Variants in FAM227B observed in about 807,000 individuals in gnomAD.
The protein encoded by FAM227B is protein FAM227B.
FAM227B carries 88 observed loss-of-function variants against 73.8 expected under a neutral mutation model. The observed-to-expected ratio is 1.19, with a 90% confidence interval of 1.00 to 1.42. The LOEUF (loss-of-function observed/expected upper bound fraction) is 1.42. FAM227B is among the 40% of genes most tolerant of loss of function. The probability of loss-of-function intolerance (pLI) is 0.00; values close to 1 mark genes in which losing one functional copy is unlikely to be tolerated. For missense variants in FAM227B, 632 were observed against 590.9 expected (o/e 1.07, Z -0.72); for synonymous variants, 210 against 190.5 (o/e 1.10, Z -0.84).
At chr15:49,435,059 G>A (rs757550256) in intron 11 of FAM227B, among the ~76,000 whole-genome samples, 7 of 151,246 alleles carry the variant, frequency 4.6e-5, no homozygotes, top group African/African-American at 1.2e-4. Context: ...TGTTCATTTC[G>A]AACACATACA....
chr15:49,489,862 A>T (rs1226733849), intron 11 of FAM227B, among the ~76,000 whole-genome samples: 81 of 6,386 alleles, frequency 0.013, 4 homozygotes, highest in African/African-American at 0.03. Flanking sequence ...TATATATTTT[A>T]TATATATATA....
chr15:49,588,546 ACTATATATAT>A (rs1248729011), intron 4 of FAM227B, among the ~76,000 whole-genome samples: 3 of 41,482 alleles, frequency 7.2e-5, no homozygotes, highest in African/African-American at 1.8e-4. Flanking sequence ...CATATTGAGG[ACTATATATAT>A]ATATATATAT....
chr15:49,583,904 T>TAACTG (rs1417790878), intron 5 of FAM227B, among the ~76,000 whole-genome samples: 1 of 152,128 alleles, frequency 6.6e-6, no homozygotes, highest in Non-Finnish European at 1.5e-5. Context: ...CACGACCAGA[T>TAACTG]AAATTCACAA....
At chr15:49,380,829 T>C (rs1378056281) in intron 11 of FAM227B, among the ~76,000 whole-genome samples, 1 of 152,122 alleles carries the variant, frequency 6.6e-6, no homozygotes, top group Non-Finnish European at 1.5e-5. Flanking sequence ...CTGTGGTCAA[T>C]GAAATGTCGG....
intron 11 of FAM227B, chr15:49,486,534 G>T (rs2056415115): frequency 6.6e-6 from 1 of 151,894 alleles, no homozygotes; most frequent in Non-Finnish European, 1.5e-5. Context: ...ATAGACAAAA[G>T]AAAATACACA....
intron 9 of FAM227B, among the ~76,000 whole-genome samples, chr15:49,548,529 C>G (rs2072299745): frequency 6.6e-6 from 1 of 152,112 alleles, no homozygotes; most frequent in African/African-American, 2.4e-5. Flanking sequence ...CCAAATAATA[C>G]TGCCTTGTAG....
At chr15:49,522,544 T>TA (rs1387661190) in intron 10 of FAM227B, among the ~76,000 whole-genome samples, 2 of 151,930 alleles carry the variant, frequency 1.3e-5, no homozygotes, top group African/African-American at 2.4e-5. Context: ...ACAACACAGA[T>TA]AAAAAATTCA....
intron 11 of FAM227B, among the ~76,000 whole-genome samples, chr15:49,407,112 G>A (rs970883793): frequency 6.6e-6 from 1 of 152,144 alleles, no homozygotes; most frequent in East Asian, 1.9e-4. Context: ...AAGCCTAGGA[G>A]GATGGCTGTC....
At chr15:49,495,342 T>C (rs1226044241) in intron 11 of FAM227B, among the ~76,000 whole-genome samples, 1 of 152,202 alleles carries the variant, frequency 6.6e-6, no homozygotes. Context: ...ATCTAACTCA[T>C]AATAATCTGA....
Position 49,504,024 on chromosome 15 carries a change from G to A in FAM227B, c.1012+4187C>T, listed in dbSNP as rs1057406781. 2.0e-3 allele frequency among the ~76,000 whole-genome samples: 300 copies of A among 151,976 alleles called. 1 individual carries two copies. Among genetic ancestry groups the A allele is most frequent in the African/African-American group, 6.9e-3 (286 of 41,416 alleles). ...CACAATAGCAAAGACTTGGAGCCAA[G>A]CCAAATGTCCAACAATGATAGACTG... On this transcript the variant is annotated intron_variant, in intron 11 of 15. Coordinates refer to ENST00000299338, the MANE Select transcript of FAM227B (RefSeq NM_152647.3).
intron 2 of FAM227B, 40 bp from the exon 3 acceptor site, chr15:49,611,308 C>A: frequency 9.5e-7 from 1 of 1,052,922 alleles, no homozygotes. Context: ...GGCATAAACT[C>A]ACTAGACTGT....
intron 11 of FAM227B, among the ~76,000 whole-genome samples, chr15:49,417,731 T>C (rs879237039): frequency 2.6e-5 from 4 of 152,180 alleles, no homozygotes; most frequent in Admixed American, 2.6e-4. Flanking sequence ...GAAGATAACC[T>C]AGTAAATACC....
In FAM227B at chr15:49,508,365, C is replaced by T. The variant is rs1243212638; in HGVS notation, c.875-17G>A. 1 of 1,536,382 alleles carries T rather than the reference C, an allele frequency of 6.5e-7. No individual in the cohort carries two copies. The highest frequency in any genetic ancestry group is 1.3e-5 in the South Asian group (1 of 79,900). ...GTTTTAAACCTGTTAATATAAAATA[C>T]ATATTTAGCCAAATAAATTTGGATT... is the stretch of plus-strand genomic sequence containing the variant. On this transcript the variant is annotated splice_polypyrimidine_tract_variant and intron_variant, in intron 10 of 15. Coordinates refer to ENST00000299338, the MANE Select transcript of FAM227B (RefSeq NM_152647.3).
chr15:49,529,849 T>C (rs1046930161), intron 10 of FAM227B, among the ~76,000 whole-genome samples: 4 of 151,906 alleles, frequency 2.6e-5, no homozygotes, highest in South Asian at 2.1e-4. Context: ...GTTATATAAA[T>C]GAAATCAAAT....
At chr15:49,335,540 T>C (rs1304746963) in intron 13 of FAM227B, 44 bp from the exon 14 acceptor site, 1 of 1,485,700 alleles carries the variant, frequency 6.7e-7, no homozygotes, top group South Asian at 1.1e-5. Context: ...TTAGGAACAT[T>C]TGGGAAGTAA....
chr15:49,541,605 G>C, intron 10 of FAM227B, 75 bp downstream of exon 10: 2 of 1,255,264 alleles, frequency 1.6e-6, no homozygotes, highest in Middle Eastern at 3.0e-4. Flanking sequence ...TTTTTGGATG[G>C]AATAAATAAA....
At chr15:49,525,856 G>A (rs1021036491) in intron 10 of FAM227B, among the ~76,000 whole-genome samples, 22 of 150,432 alleles carry the variant, frequency 1.5e-4, no homozygotes, top group African/African-American at 5.4e-4. Context: ...AAGATTTAAC[G>A]ATCTTAAATA....
intron 9 of FAM227B, among the ~76,000 whole-genome samples, chr15:49,551,865 A>G (rs966912673): frequency 6.6e-6 from 1 of 152,196 alleles, no homozygotes; most frequent in Non-Finnish European, 1.5e-5. Context: ...AAACTAATAA[A>G]AACTCAATGG....
chr15:49,432,008 T>C (rs2050665327), intron 11 of FAM227B, among the ~76,000 whole-genome samples: 1 of 151,756 alleles, frequency 6.6e-6, no homozygotes, highest in Non-Finnish European at 1.5e-5. Flanking sequence ...AATCTCTTGG[T>C]TGATTTTGTG....
Sources: allele counts gnomAD v4.1 joint callset (sites outside exome capture counted in the v4.1 genomes callset), GRCh38; gene constraint gnomAD v4.1.1; transcripts MANE v1.5; gene names NCBI Gene and HGNC (gene_info 2026-07-23, HGNC 2026-07-21).